The following ZNF48 variants were observed in gnomAD, a reference collection of about 807,000 sequenced individuals.
ZNF48 encodes the protein zinc finger protein 48, also known as zinc finger protein 553.
ZNF48 carries 20 observed loss-of-function variants against 40.0 expected under a neutral mutation model. The ratio of observed to expected loss-of-function variants is 0.50; its 90% confidence interval spans 0.35 to 0.73. ZNF48 has a LOEUF of 0.73. ZNF48 is among the 30% of genes least tolerant of loss of function. The pLI is 0.01. For synonymous variants in ZNF48, 298 were observed against 329.7 expected, an observed-to-expected ratio of 0.90 and a Z score of 1.04; for missense variants, 726 against 851.9, an observed-to-expected ratio of 0.85 and a Z score of 1.84.
rs1014843273 is a variant in ZNF48 at position 30,399,900 on chromosome 16, A to T, written c.*793A>T. 6.6e-6 allele frequency: 1 copy of T among 152,420 alleles called. No homozygotes were observed. Among genetic ancestry groups the T allele is most frequent in the African/African-American group, 2.4e-5 (1 of 41,462 alleles). The allele number at this position is 152,420 out of a possible 1,614,324, so 9.4% of individuals were successfully genotyped here. On this transcript the variant is annotated 3_prime_UTR_variant, in exon 3 of 3. Coordinates refer to ENST00000613509, the MANE Select transcript of ZNF48 (RefSeq NM_001214909.2). ...ATAGCAGAGGCCAGCTGTTTGGGAA[A>T]AGGGCAGGATGCTCTGAGGCCTGGC...
intron 1 of ZNF48, chr16:30,378,995 A>T: frequency 6.2e-7 from 1 of 1,608,140 alleles, no homozygotes; most frequent in Non-Finnish European, 8.5e-7. Flanking sequence ...GGAGGCTCTG[A>T]TACTGTCCGC....
In ZNF48 at chr16:30,397,916, T is replaced by C. The variant is rs1168237160; in HGVS notation, c.666T>C (p.Cys222=). The change falls in exon 3 of 3, where the codon TGT becomes TGC. Residue 222 remains cysteine, a synonymous_variant. Coordinates refer to ENST00000613509, the MANE Select transcript of ZNF48 (RefSeq NM_001214909.2). The surrounding 1 kb of genome is among the most constrained non-coding windows in gnomAD (Gnocchi z 4.1). ...RTHTGEKPYK[C]GICGKGFGDS... ...ACACTGGTGAGAAGCCCTACAAGTG[T>C]GGCATATGTGGCAAGGGCTTTGGCG... The C allele has an allele frequency of 6.2e-7, 1 of 1,612,600 alleles. No homozygotes were observed. The highest frequency in any genetic ancestry group is 8.5e-7 in the Non-Finnish European group (1 of 1,179,036).
At position 30,382,971 on chromosome 16, in the gene ZNF48, C is replaced by A; in HGVS notation, c.-16+4561C>A. ...GGAGGACAGCTTGAGCCAAGGAGTT[C>A]CAGACCAGCCTGGGCAACAGAGGGA... On this transcript the variant is annotated intron_variant, in intron 1 of 2. Coordinates refer to the ZNF48 transcript ENST00000528032. This position sits in a 1 kb window ranked among gnomAD's most constrained non-coding sequence, Gnocchi z 4.8. 1 of 631,632 alleles carries A rather than the reference C, an allele frequency of 1.6e-6. No individual in the cohort carries two copies. Among genetic ancestry groups the A allele is most frequent in the South Asian group, 1.8e-5 (1 of 55,750 alleles). The allele number at this position is 631,632 out of a possible 1,614,324, so 39.1% of individuals were successfully genotyped here.
chr16:30,385,221 T>A (rs1042040890), intron 1 of ZNF48, among the ~76,000 whole-genome samples: 1 of 128,222 alleles, frequency 7.8e-6, no homozygotes, highest in Non-Finnish European at 1.6e-5. Flanking sequence ...ATAATAATAA[T>A]ATAAATAAAT....
intron 1 of ZNF48, among the ~76,000 whole-genome samples, chr16:30,383,889 C>T (rs1185508550): frequency 6.6e-6 from 1 of 152,230 alleles, no homozygotes; most frequent in Non-Finnish European, 1.5e-5. Context: ...AATCTCTCCA[C>T]CTACCCTAGG....
chr16:30,396,034 G>T, intron 2 of ZNF48, 161 bp downstream of exon 2: 1 of 680,556 alleles, frequency 1.5e-6, no homozygotes, highest in Non-Finnish European at 2.2e-6. Flanking sequence ...GCGCCAGGCC[G>T]GGAGGGGCTC....
upstream of ZNF48, among the ~76,000 whole-genome samples, chr16:30,391,222 T>C (rs893402524): frequency 5.1e-4 from 78 of 152,116 alleles, no homozygotes; most frequent in African/African-American, 1.8e-3. Flanking sequence ...TGAGACGGAG[T>C]CTCACTCTGT....
chr16:30,378,592 A>G (rs1182901880), intron 1 of ZNF48: 1 of 1,609,354 alleles, frequency 6.2e-7, no homozygotes, highest in African/African-American at 1.3e-5. Flanking sequence ...GTCGGGGGGA[A>G]GCGAGGTGCG....
intron 1 of ZNF48, chr16:30,380,774 A>C: frequency 3.4e-6 from 1 of 290,578 alleles, no homozygotes; most frequent in Non-Finnish European, 6.7e-6. Flanking sequence ...TATCTAAAAA[A>C]AAAAAGAGAG....
Position 30,379,848 on chromosome 16 carries a change from C to A in ZNF48, c.-16+1438C>A, listed in dbSNP as rs191063042. 348 of 759,964 alleles carry A rather than the reference C, an allele frequency of 4.6e-4. No homozygotes were observed. In the African/African-American group the frequency reaches 4.9e-3, roughly 11 times the overall value. The allele number at this position is 759,964 out of a possible 1,614,324, so 47.1% of individuals were successfully genotyped here. On this transcript the variant is annotated intron_variant, in intron 1 of 2. Transcript: ENST00000528032. The stretch of plus-strand genomic sequence containing the variant: ...TCTGGAACTCCTGACCTCAGGGGAT[C>A]CTCCCGTCTCAGCCTCCCAAAGTGC...
At position 30,399,141 on chromosome 16, in the gene ZNF48, A is replaced by T; in HGVS notation, c.*34A>T. ...AGGGAGGGCGGAGGCCCAGGAGACC[A>T]AAGGGAGGGGCTCTGCCGCTTAGCA... is the stretch of plus-strand genomic sequence containing the variant. On this transcript the variant is annotated 3_prime_UTR_variant, in exon 3 of 3. Transcript: ENST00000613509. 4 of 1,520,252 alleles carry T rather than the reference A, an allele frequency of 2.6e-6. No homozygotes were observed. The highest frequency in any genetic ancestry group is 3.5e-6 in the Non-Finnish European group (4 of 1,135,090). The allele number at this position is 1,520,252 out of a possible 1,614,324, so 94.2% of individuals were successfully genotyped here. A position where few individuals can be genotyped will look rare whatever the true frequency, so the allele number is the denominator to read the frequency against.
intron 1 of ZNF48, among the ~76,000 whole-genome samples, chr16:30,383,343 C>T (rs1344701810): frequency 3.9e-5 from 6 of 152,154 alleles, no homozygotes; most frequent in Non-Finnish European, 1.5e-5. Context: ...CACCTGCTAC[C>T]GCGCCTGGCT....
intron 1 of ZNF48, chr16:30,379,537 G>A: frequency 6.2e-7 from 1 of 1,612,046 alleles, no homozygotes. Flanking sequence ...ATGCTTTCCT[G>A]GAGGGCAGGG....
upstream of ZNF48, among the ~76,000 whole-genome samples, chr16:30,393,929 G>A (rs560223094): frequency 1.4e-4 from 22 of 151,732 alleles, no homozygotes; most frequent in African/African-American, 5.3e-4. Context: ...TTTTGCCTAG[G>A]CTGGTTTCGA....
chr16:30,379,247 G>C lies in ZNF48; in HGVS notation c.-16+837G>C. ...GTTTCGGGTCCAACCCACCCGTAAG[G>C]GTCGGGTCTACAGGAAAGTCCTGCT... On this transcript the variant is annotated intron_variant, in intron 1 of 2. Coordinates refer to the ZNF48 transcript ENST00000528032. 1.9e-6 allele frequency: 3 copies of C among 1,593,242 alleles called. No homozygotes were observed. In the Admixed American group the frequency reaches 5.1e-5, roughly 27 times the overall value.
In ZNF48 at chr16:30,398,587, C is replaced by T. The variant is rs142217631; in HGVS notation, c.1337C>T (p.Ala446Val). The change falls in exon 3 of 3, where the codon GCG (alanine) becomes GTG (valine). Residue 446 changes from alanine (A) to valine (V), a missense_variant. Physicochemically the swap from Ala to Val is moderately conservative, Grantham distance 64. Transcript: ENST00000613509. The surrounding 1 kb of genome is among the most constrained non-coding windows in gnomAD (Gnocchi z 6.6). ...GCTGGGGAGCCACCCCCACCACTGG[C>T]GGGCGACAAGCCCCACAAGTGCCCT... Reference protein sequence around the residue: ...PQAGEPPPPLAGDKPHKCPEC... With the variant: ...PQAGEPPPPLVGDKPHKCPEC... 91 of 1,611,890 alleles carry T rather than the reference C, an allele frequency of 5.6e-5. 1 individual carries two copies. Among genetic ancestry groups the T allele is most frequent in the Admixed American group, 2.2e-4 (13 of 60,002 alleles).
At chr16:30,378,741 C>A (rs1372443398) in intron 1 of ZNF48, 2 of 1,579,300 alleles carry the variant, frequency 1.3e-6, no homozygotes, top group Non-Finnish European at 8.6e-7. Flanking sequence ...AGGAGCGGGA[C>A]CTGAGGTTGT....
chr16:30,379,503 C>A (rs1446536355), intron 1 of ZNF48: 1 of 1,613,988 alleles, frequency 6.2e-7, no homozygotes, highest in Non-Finnish European at 8.5e-7. Flanking sequence ...CACCACCTCG[C>A]ATGATCCCAC....
chr16:30,394,811 G>A (rs2049966509), upstream of ZNF48: 1 of 175,902 alleles, frequency 5.7e-6, no homozygotes, highest in Admixed American at 5.8e-5. Context: ...CGTCCTCTGT[G>A]ACTCAGGGCT....
Sources: gnomAD v4.1 joint callset for allele counts (sites outside exome capture counted in the v4.1 genomes callset) on GRCh38, gnomAD v4.1.1 for gene constraint, Gnocchi (gnomAD v3.1) non-coding constraint, MANE v1.5 for transcripts, NCBI Gene and HGNC (gene_info 2026-07-23, HGNC 2026-07-21) for gene names.